The following SSUH2 variants were observed in gnomAD, a reference collection of about 807,000 sequenced individuals.
SSUH2 encodes protein SSUH2 homolog.
Under a neutral mutation model 55.3 loss-of-function variants are expected in SSUH2, and 47 were observed. That is an observed-to-expected ratio of 0.85 (90% CI 0.67 to 1.08). The LOEUF (loss-of-function observed/expected upper bound fraction) is 1.08. Ranked by LOEUF, SSUH2 falls within the 50% of genes least tolerant of loss-of-function variation. The pLI is 0.00. For synonymous variants in SSUH2, 212 were observed against 191.5 expected (o/e 1.11, Z -0.89); for missense variants, 535 against 490.7 (o/e 1.09, Z -0.85).
intron 4 of SSUH2, among the ~76,000 whole-genome samples, 184 bp from the exon 5 acceptor site, chr3:8,632,293 C>T (rs769955246): frequency 3.3e-5 from 5 of 152,184 alleles, no homozygotes; most frequent in Non-Finnish European, 5.9e-5. Context: ...CCCATGTCTG[C>T]AGGGAAGTCA....
intron 5 of SSUH2, among the ~76,000 whole-genome samples, chr3:8,666,457 A>T (rs1370819944): frequency 6.6e-6 from 1 of 152,184 alleles, no homozygotes; most frequent in African/African-American, 2.4e-5. Context: ...GGGGTTTATG[A>T]AGGAGAAACC....
intron 3 of SSUH2, among the ~76,000 whole-genome samples, chr3:8,676,971 G>A (rs1231614216): frequency 6.8e-6 from 1 of 146,064 alleles, no homozygotes; most frequent in Non-Finnish European, 1.5e-5. Context: ...CTGTGAGGCG[G>A]GGACTGAGAG....
chr3:8,662,378 G>A (rs1355050775), intron 6 of SSUH2, among the ~76,000 whole-genome samples: 3 of 152,188 alleles, frequency 2.0e-5, no homozygotes, highest in East Asian at 3.8e-4. Flanking sequence ...TCCAGTCAGA[G>A]CCCTGACCTG....
chr3:8,679,704 C>T lies in SSUH2; in HGVS notation c.-901+1G>A, dbSNP rs187125188. On this transcript the variant is annotated splice_donor_variant, in intron 2 of 18. Coordinates refer to the SSUH2 transcript ENST00000317371. LOFTEE classifies it low-confidence loss of function (5UTR_SPLICE). ...CGGATTCTAAGATCCTTAGGACCCA[C>T]CTGGAGGACTGTGGGTATTAGGTGT... is the stretch of plus-strand genomic sequence containing the variant. 5.0e-6 allele frequency: 1 copy of T among 199,134 alleles called. No homozygotes were observed. Among genetic ancestry groups the T allele is most frequent in the East Asian group, 1.9e-4 (1 of 5,200 alleles). 12.3% of individuals were successfully genotyped at this position (199,134 alleles called of 1,614,324 possible).
At chr3:8,650,095 A>C (rs1275111054) in intron 7 of SSUH2, among the ~76,000 whole-genome samples, 1 of 152,080 alleles carries the variant, frequency 6.6e-6, no homozygotes, top group East Asian at 1.9e-4. Context: ...ATCTCTACAC[A>C]AACTGTTCCC....
rs200530792 is a variant in SSUH2, at chr3:8,681,082, A to AG, written c.-1046+808dup. Among the ~76,000 whole-genome samples the AG allele has an allele frequency of 1.1e-4, 11 of 99,582 alleles. No homozygotes were observed. The East Asian group carries it at 4.8e-3, about 43-fold the overall frequency. The allele number at this position is 99,582 out of a possible 152,430, so 65.3% of individuals were successfully genotyped here. A position where few individuals can be genotyped will look rare whatever the true frequency, so the allele number is the denominator to read the frequency against. On this transcript the variant is annotated intron_variant, in intron 1 of 18. Coordinates refer to the SSUH2 transcript ENST00000317371. Reference sequence around the variant, plus strand: ...CGCTGGCTCTTAGGACTTCCATAGCAGGGGGGAGAGGCACCCCCGCGAGGC... The same window carrying AG: ...CGCTGGCTCTTAGGACTTCCATAGCAGGGGGGGAGAGGCACCCCCGCGAGGC...
At chr3:8,662,283 C>T (rs1163566866) in intron 6 of SSUH2, among the ~76,000 whole-genome samples, 2 of 152,294 alleles carry the variant, frequency 1.3e-5, no homozygotes, top group East Asian at 1.9e-4. Flanking sequence ...TCTAACAAAA[C>T]CTGTGTCCCC....
intron 7 of SSUH2, 31 bp downstream of exon 7, chr3:8,629,633 C>CTGACTCACCAGTGGTTCACGGA: frequency 1.3e-6 from 2 of 1,587,726 alleles, no homozygotes; most frequent in Non-Finnish European, 1.7e-6. Flanking sequence ...CACACCCTCA[C>CTGACTCACCAGTGGTTCACGGA]TGACTCACCA....
At chr3:8,646,335 C>T (rs776418180), upstream of SSUH2, among the ~76,000 whole-genome samples, 2 of 152,146 alleles carry the variant, frequency 1.3e-5, no homozygotes, top group Non-Finnish European at 2.9e-5. Flanking sequence ...ACTTTTTAAG[C>T]GCAATATATG....
At chr3:8,678,372 C>T (rs1176041231) in intron 2 of SSUH2, among the ~76,000 whole-genome samples, 1 of 152,078 alleles carries the variant, frequency 6.6e-6, no homozygotes, top group Non-Finnish European at 1.5e-5. Context: ...GTAATATCAT[C>T]CTCTCCCTTT....
rs921892036 is a variant in SSUH2, at chr3:8,657,539, G to T, written c.-307+1386C>A. ...CAGTGGGTACGACAGGAGGTCAGAT[G>T]AGCCCACTCTTTTCTGGGAAGGGGG... On this transcript the variant is annotated intron_variant, in intron 7 of 18. Transcript: ENST00000317371. Among the ~76,000 whole-genome samples the T allele has an allele frequency of 2.6e-5, 4 of 152,100 alleles. No homozygotes were observed. In the South Asian group the frequency reaches 8.3e-4, roughly 32 times the overall value.
At chr3:8,658,511 G>T (rs576598564) in intron 7 of SSUH2, among the ~76,000 whole-genome samples, 4 of 152,328 alleles carry the variant, frequency 2.6e-5, no homozygotes, top group East Asian at 1.9e-4. Context: ...GGGTGGGGCA[G>T]GTGCGTAAAC....
chr3:8,675,860 T>C (rs961919326), intron 3 of SSUH2, among the ~76,000 whole-genome samples: 8 of 152,102 alleles, frequency 5.3e-5, no homozygotes, highest in South Asian at 4.2e-4. Context: ...GCCTTTTCCA[T>C]TGTATGCGTC....
chr3:8,665,380 A>C (rs1703900967), intron 5 of SSUH2, among the ~76,000 whole-genome samples: 1 of 152,188 alleles, frequency 6.6e-6, no homozygotes, highest in African/African-American at 2.4e-5. Context: ...GATCAGCCAA[A>C]GACAACCATG....
chr3:8,674,358 G>A (rs911953585), intron 3 of SSUH2, among the ~76,000 whole-genome samples: 2 of 152,166 alleles, frequency 1.3e-5, no homozygotes, highest in Non-Finnish European at 2.9e-5. Flanking sequence ...AGAGCAGGAG[G>A]CCCCGGACAA....
At position 8,679,361 on chromosome 3, in the gene SSUH2, G is replaced by A. The variant is rs776087074; in HGVS notation, c.-901+344C>T. ...GCCCCTTGCTCTTCCGACCCCCATC[G>A]CATTGGCGGGAGGCATCCCCCAGGA... On this transcript the variant is annotated intron_variant, in intron 2 of 18. Coordinates refer to the SSUH2 transcript ENST00000317371. 1.9e-3 allele frequency among the ~76,000 whole-genome samples: 162 copies of A among 85,134 alleles called. 26 individuals are homozygous for A. Among genetic ancestry groups the A allele is most frequent in the Non-Finnish European group, 3.0e-3 (113 of 37,058 alleles). The allele number at this position is 85,134 out of a possible 152,430, so 55.9% of individuals were successfully genotyped here.
At chr3:8,632,862 G>A (rs1454599386) in intron 4 of SSUH2, among the ~76,000 whole-genome samples, 1 of 152,210 alleles carries the variant, frequency 6.6e-6, no homozygotes, top group Non-Finnish European at 1.5e-5. Flanking sequence ...TCTAGTGGCA[G>A]GTAGATGAAC....
intron 2 of SSUH2, among the ~76,000 whole-genome samples, chr3:8,678,869 G>A (rs539239305): frequency 1.8e-5 from 2 of 109,700 alleles, no homozygotes; most frequent in African/African-American, 6.6e-5. Context: ...CCCCAGCCTG[G>A]CTCTTAGGAT....
At chr3:8,676,835 C>CCT in intron 3 of SSUH2, among the ~76,000 whole-genome samples, 1 of 146,650 alleles carries the variant, frequency 6.8e-6, no homozygotes. Flanking sequence ...GCCCCTCTTC[C>CCT]CCACCTGGCC....
Sources: gnomAD v4.1 joint callset for allele counts (sites outside exome capture counted in the v4.1 genomes callset) on GRCh38, gnomAD v4.1.1 for gene constraint, MANE v1.5 for transcripts, NCBI Gene and HGNC (gene_info 2026-07-23, HGNC 2026-07-21) for gene names.